CCDC171: variants seen among roughly 807,000 people sequenced by gnomAD.
CCDC171 encodes coiled-coil domain-containing protein 171.
CCDC171 carries 177 observed loss-of-function variants against 168.2 expected under a neutral mutation model. The observed-to-expected ratio is 1.05, with a 90% CI of 0.93 to 1.19. CCDC171 has a LOEUF of 1.19. Ranked by LOEUF, CCDC171 falls within the 50% of genes most tolerant of loss-of-function variation. The probability of loss-of-function intolerance (pLI) is 0.00; values close to 1 mark genes in which losing one functional copy is unlikely to be tolerated. For missense variants in CCDC171, 1,991 were observed against 1,539.0 expected, an observed-to-expected ratio of 1.29 and a Z score of -4.91; for synonymous variants, 687 against 540.8, an observed-to-expected ratio of 1.27 and a Z score of -3.75.
chr9:15,712,912 T>C (rs1158594933), intron 11 of CCDC171, among the ~76,000 whole-genome samples: 2 of 152,204 alleles, frequency 1.3e-5, no homozygotes, highest in Non-Finnish European at 2.9e-5. Flanking sequence ...GGAAAAAACA[T>C]TGGTTGATAT....
intron 6 of CCDC171, among the ~76,000 whole-genome samples, chr9:15,613,418 G>C (rs1002406576): frequency 2.0e-5 from 3 of 151,570 alleles, no homozygotes; most frequent in African/African-American, 4.8e-5. Flanking sequence ...TCTAAATAAA[G>C]ACTCAAAACA....
intron 24 of CCDC171, chr9:15,886,784 A>ACCCC (rs1554666675): frequency 4.6e-5 from 7 of 151,490 alleles, no homozygotes; most frequent in South Asian, 2.1e-4. Flanking sequence ...ACACACACAC[A>ACCCC]CCCAGAGGAA....
At chr9:15,643,869 C>G (rs1449308764) in intron 7 of CCDC171, among the ~76,000 whole-genome samples, 1 of 152,222 alleles carries the variant, frequency 6.6e-6, no homozygotes, top group East Asian at 1.9e-4. Flanking sequence ...TTTATATATG[C>G]TTTCAAGGTT....
intron 25 of CCDC171, among the ~76,000 whole-genome samples, chr9:15,949,156 G>T (rs938941824): frequency 2.6e-5 from 4 of 151,916 alleles, no homozygotes; most frequent in African/African-American, 9.7e-5. Flanking sequence ...TATTTCTGAG[G>T]GCTCTGTTCT....
rs1005481410 is a variant in CCDC171 at position 15,740,432 on chromosome 9, T to C, written c.2050-3841T>C. Among the ~76,000 whole-genome samples the C allele has an allele frequency of 3.0e-4, 45 of 151,704 alleles. 1 individual carries two copies. The highest frequency in any genetic ancestry group is 1.1e-3 in the African/African-American group (44 of 41,220). Reference sequence around the variant, plus strand: ...ACGTGATTTTTTAAATAGAGGTTTTTGTTTGTGTGTGTGTGTGTGTGAGAC... The same window carrying C: ...ACGTGATTTTTTAAATAGAGGTTTTCGTTTGTGTGTGTGTGTGTGTGAGAC... On this transcript the variant is annotated intron_variant, in intron 16 of 25. Coordinates refer to ENST00000380701, the MANE Select transcript of CCDC171 (RefSeq NM_173550.4).
the CCDC171 span, among the ~76,000 whole-genome samples, chr9:16,091,004 C>G: frequency 3.3e-5 from 5 of 152,288 alleles, no homozygotes; most frequent in East Asian, 1.9e-4. Flanking sequence ...TCTTTTCTGT[C>G]CTCTGCCTAC....
intron 24 of CCDC171, among the ~76,000 whole-genome samples, chr9:15,878,060 A>G (rs893075883): frequency 6.6e-6 from 1 of 152,210 alleles, no homozygotes; most frequent in Admixed American, 6.6e-5. Context: ...CATTCTGGAC[A>G]TAGGAACCAG....
chr9:15,745,654 C>T, intron 18 of CCDC171, 23 bp downstream of exon 18: 5 of 1,365,314 alleles, frequency 3.7e-6, no homozygotes, highest in Non-Finnish European at 5.0e-6. Flanking sequence ...CTTTTATGTC[C>T]TTGCAAAATA....
At chr9:15,583,612 C>G (rs945272703) in intron 4 of CCDC171, among the ~76,000 whole-genome samples, 1 of 151,944 alleles carries the variant, frequency 6.6e-6, no homozygotes, top group African/African-American at 2.4e-5. Flanking sequence ...ATATAATGGA[C>G]TTTGGGGACT....
Position 15,855,839 on chromosome 9 carries a change from C to G in CCDC171, c.3468+6892C>G, listed in dbSNP as rs564247118. Among the ~76,000 whole-genome samples, 5 of 152,026 alleles carry G rather than the reference C, an allele frequency of 3.3e-5. No individual in the cohort carries two copies. The South Asian group carries it at 6.2e-4, about 19-fold the overall frequency. On this transcript the variant is annotated intron_variant, in intron 23 of 25. Coordinates refer to ENST00000380701, the MANE Select transcript of CCDC171 (RefSeq NM_173550.4). ...GCTCTTAAATAGCTTCATCCTTTCT[C>G]TTCATGTTGTTACAAATTACATTCT...
chr9:16,033,389 C>T (rs986406963), intron 6 of CCDC171, among the ~76,000 whole-genome samples: 2 of 152,204 alleles, frequency 1.3e-5, no homozygotes, highest in Non-Finnish European at 2.9e-5. Flanking sequence ...GCTCCACCTC[C>T]TATCAGAACA....
intron 25 of CCDC171, among the ~76,000 whole-genome samples, chr9:15,938,570 A>T (rs1827361035): frequency 6.6e-6 from 1 of 151,906 alleles, no homozygotes; most frequent in Non-Finnish European, 1.5e-5. Flanking sequence ...TGCACAGAGA[A>T]TTGAAAGTGT....
intron 7 of CCDC171, among the ~76,000 whole-genome samples, chr9:15,640,376 A>G (rs1303799537): frequency 6.6e-6 from 1 of 152,130 alleles, no homozygotes; most frequent in Non-Finnish European, 1.5e-5. Context: ...CCACATGGAA[A>G]GTAGGAGAGC....
chr9:15,735,761 C>T (rs570894172), intron 16 of CCDC171, among the ~76,000 whole-genome samples: 7 of 152,244 alleles, frequency 4.6e-5, no homozygotes, highest in Admixed American at 1.3e-4. Context: ...AAGGTATACA[C>T]GCCAGCCTGC....
At chr9:15,957,899 C>T (rs976483734) in intron 25 of CCDC171, among the ~76,000 whole-genome samples, 1 of 152,018 alleles carries the variant, frequency 6.6e-6, no homozygotes, top group Non-Finnish European at 1.5e-5. Flanking sequence ...TTATAGCCAC[C>T]AGAAGAATAA....
chr9:15,845,890 G>A (rs1425600646), intron 21 of CCDC171, among the ~76,000 whole-genome samples: 3 of 152,050 alleles, frequency 2.0e-5, no homozygotes, highest in Non-Finnish European at 4.4e-5. Flanking sequence ...TCAATTGTGA[G>A]CTTCTGATTC....
At chr9:15,620,476 G>C (rs1193451109) in intron 6 of CCDC171, among the ~76,000 whole-genome samples, 1 of 152,200 alleles carries the variant, frequency 6.6e-6, no homozygotes, top group Non-Finnish European at 1.5e-5. Flanking sequence ...AGAATTAGAA[G>C]TGGAGCCTGA....
At chr9:16,024,881 C>A (rs934397138) in intron 6 of CCDC171, among the ~76,000 whole-genome samples, 1 of 152,216 alleles carries the variant, frequency 6.6e-6, no homozygotes, top group Non-Finnish European at 1.5e-5. Context: ...TGCTGAGAAC[C>A]TGCTATTTGG....
chr9:15,920,907 C>G (rs368136357), intron 25 of CCDC171, among the ~76,000 whole-genome samples: 1 of 151,404 alleles, frequency 6.6e-6, no homozygotes, highest in East Asian at 1.9e-4. Context: ...GTTTCAGCAG[C>G]TATTTTCATG....
Sources: allele counts gnomAD v4.1 joint callset (sites outside exome capture counted in the v4.1 genomes callset), GRCh38; gene constraint gnomAD v4.1.1; transcripts MANE v1.5; gene names NCBI Gene and HGNC (gene_info 2026-07-23, HGNC 2026-07-21).